ANKS1B: variants seen among roughly 807,000 people sequenced by gnomAD.
ANKS1B encodes ankyrin repeat and sterile alpha motif domain-containing protein 1B.
In ANKS1B, 36 loss-of-function variants were observed where a neutral mutation model predicts 148.3. The observed-to-expected ratio is 0.24, with a 90% confidence interval of 0.19 to 0.32. The LOEUF (loss-of-function observed/expected upper bound fraction) is 0.32. ANKS1B is among the 10% of genes least tolerant of loss of function. The pLI is 1.00. For missense variants in ANKS1B, 1,157 were observed against 1,542.6 expected, an observed-to-expected ratio of 0.75 and a Z score of 4.19; for synonymous variants, 542 against 560.8, an observed-to-expected ratio of 0.97 and a Z score of 0.47.
rs1182264550 is a variant in ANKS1B at position 98,769,165 on chromosome 12, C to CTTTTTTTTTTTTTTTTTTT, written c.3579+3858_3579+3876dup. On this transcript the variant is annotated intron_variant, in intron 25 of 26. Transcript: ENST00000683438. ...TTGAGGTATTATAGGGTCTTCTTTACTTTTTTTTTTTTTTTTTTTTTTTTT... is the reference window on the plus strand; with the variant it reads ...TTGAGGTATTATAGGGTCTTCTTTACTTTTTTTTTTTTTTTTTTTTTTTTTTTTTTTTTTTTTTTTTTTT... Among the ~76,000 whole-genome samples the CTTTTTTTTTTTTTTTTTTT allele has an allele frequency of 2.4e-4, 10 of 41,214 alleles. 1 individual carries two copies. Among genetic ancestry groups the CTTTTTTTTTTTTTTTTTTT allele is most frequent in the African/African-American group, 4.1e-4 (5 of 12,264 alleles). The allele number at this position is 41,214 out of a possible 152,430, so 27.0% of individuals were successfully genotyped here.
intron 19 of ANKS1B, among the ~76,000 whole-genome samples, chr12:98,812,032 G>A (rs949258162): frequency 6.6e-6 from 1 of 151,850 alleles, no homozygotes; most frequent in Admixed American, 6.6e-5. Context: ...TTCATACATG[G>A]CTTATGTACA....
chr12:99,663,342 C>T (rs908677995), intron 8 of ANKS1B, among the ~76,000 whole-genome samples: 1 of 152,072 alleles, frequency 6.6e-6, no homozygotes, highest in African/African-American at 2.4e-5. Flanking sequence ...CACAGTTGAA[C>T]ATATTAGCTA....
rs60213060 is a variant in ANKS1B at position 98,823,734 on chromosome 12, C to T, written c.3066+5440G>A. The stretch of plus-strand genomic sequence containing the variant: ...CTCAAACTCCTGGCCTCAAGTGCTC[C>T]GCCCGCTTTGGCCTCCCAAAGTGCT... On this transcript the variant is annotated intron_variant, in intron 19 of 26. Coordinates refer to ENST00000683438, the MANE Select transcript of ANKS1B (RefSeq NM_001352186.2). Among the ~76,000 whole-genome samples the T allele has an allele frequency of 4.9e-3, 742 of 152,366 alleles. 9 individuals carry two copies. The highest frequency in any genetic ancestry group is 0.016 in the African/African-American group (672 of 41,580).
chr12:99,636,202 A>C (rs2098234417), intron 9 of ANKS1B, among the ~76,000 whole-genome samples: 1 of 152,154 alleles, frequency 6.6e-6, no homozygotes, highest in Admixed American at 6.5e-5. Context: ...ATATACAGTC[A>C]ATTCTTGCTT....
At chr12:99,894,555 A>T (rs2093311198) in intron 1 of ANKS1B, among the ~76,000 whole-genome samples, 1 of 149,336 alleles carries the variant, frequency 6.7e-6, no homozygotes, top group African/African-American at 2.5e-5. Flanking sequence ...TGCTTGATTT[A>T]CCATGGTTCA....
At chr12:98,765,183 C>T (rs1309828420) in intron 25 of ANKS1B, among the ~76,000 whole-genome samples, 1 of 152,188 alleles carries the variant, frequency 6.6e-6, no homozygotes, top group Non-Finnish European at 1.5e-5. Context: ...GTATGTGTCA[C>T]CTTGTTTAAT....
chr12:99,275,886 A>C (rs1413941677), intron 12 of ANKS1B, among the ~76,000 whole-genome samples: 3 of 152,202 alleles, frequency 2.0e-5, no homozygotes, highest in Admixed American at 1.3e-4. Flanking sequence ...TGCTAAATTC[A>C]TCTTCAGTCT....
chr12:98,913,776 T>A (rs1212240839), intron 17 of ANKS1B, among the ~76,000 whole-genome samples: 1 of 152,088 alleles, frequency 6.6e-6, no homozygotes, highest in Non-Finnish European at 1.5e-5. Context: ...GACAGACGCG[T>A]GCCACTACCA....
At chr12:98,884,805 C>CAAAAAAAA (rs35160751) in intron 17 of ANKS1B, among the ~76,000 whole-genome samples, 1 of 83,798 alleles carries the variant, frequency 1.2e-5, no homozygotes, top group African/African-American at 4.6e-5. Context: ...GACTCCGTCT[C>CAAAAAAAA]AAAAAAAAAA....
intron 17 of ANKS1B, among the ~76,000 whole-genome samples, chr12:99,018,095 T>C (rs61933365): frequency 0.11 from 17,232 of 152,232 alleles, 1,355 homozygotes; most frequent in Non-Finnish European, 0.17. Flanking sequence ...CTCATTTTGA[T>C]TGTCACAGTA....
At chr12:99,177,411 G>T (rs1472208982) in intron 14 of ANKS1B, among the ~76,000 whole-genome samples, 2 of 152,128 alleles carry the variant, frequency 1.3e-5, no homozygotes, top group African/African-American at 2.4e-5. Flanking sequence ...ACAAAATATT[G>T]CAGTTGTTAT....
At chr12:99,106,444 T>C (rs373186016) in intron 15 of ANKS1B, among the ~76,000 whole-genome samples, 1 of 152,380 alleles carries the variant, frequency 6.6e-6, no homozygotes, top group East Asian at 1.9e-4. Context: ...TTCTAAATCA[T>C]GTTTTGAATT....
chr12:99,856,007 G>A (rs1406659390), intron 1 of ANKS1B, among the ~76,000 whole-genome samples: 1 of 151,916 alleles, frequency 6.6e-6, no homozygotes, highest in Non-Finnish European at 1.5e-5. Flanking sequence ...TAAGGAGCTA[G>A]AGAAACAAGA....
intron 14 of ANKS1B, among the ~76,000 whole-genome samples, chr12:99,236,993 G>A (rs1162706478): frequency 1.3e-5 from 2 of 152,000 alleles, no homozygotes; most frequent in East Asian, 1.9e-4. Context: ...AAAAATAATG[G>A]GTACTAGGCT....
At chr12:99,475,738 C>T (rs887657357) in intron 10 of ANKS1B, among the ~76,000 whole-genome samples, 1 of 151,322 alleles carries the variant, frequency 6.6e-6, no homozygotes, top group South Asian at 2.1e-4. Context: ...GTCCAAATAG[C>T]AGAAAAGATT....
intron 25 of ANKS1B, among the ~76,000 whole-genome samples, chr12:98,752,979 G>T (rs915994539): frequency 5.3e-5 from 8 of 151,926 alleles, no homozygotes; most frequent in African/African-American, 1.9e-4. Context: ...GCTCACAGTC[G>T]CAGCAGTGAG....
chr12:99,766,906 T>C (rs2062703181), intron 8 of ANKS1B, among the ~76,000 whole-genome samples: 1 of 151,944 alleles, frequency 6.6e-6, no homozygotes, highest in Non-Finnish European at 1.5e-5. Flanking sequence ...TTCCTGATAA[T>C]AAGCTCTAGA....
intron 14 of ANKS1B, among the ~76,000 whole-genome samples, chr12:99,161,346 T>C (rs1384627194): frequency 6.6e-6 from 1 of 152,020 alleles, no homozygotes; most frequent in Non-Finnish European, 1.5e-5. Context: ...TTGGGCAACA[T>C]AGCAAGCCCT....
chr12:99,405,314 TAAC>T (rs1176633210), intron 11 of ANKS1B, among the ~76,000 whole-genome samples: 1 of 144,662 alleles, frequency 6.9e-6, no homozygotes, highest in African/African-American at 2.6e-5. Flanking sequence ...AGACTGATAA[TAAC>T]AAGTATGAAA....
Sources: allele counts gnomAD v4.1 joint callset (sites outside exome capture counted in the v4.1 genomes callset), GRCh38; gene constraint gnomAD v4.1.1; transcripts MANE v1.5; gene names NCBI Gene and HGNC (gene_info 2026-07-23, HGNC 2026-07-21).